Variants in CCNI observed in about 807,000 individuals in gnomAD.
CCNI encodes the protein cyclin-I.
A neutral mutation model predicts 34.1 loss-of-function variants in CCNI; 14 were observed. The ratio of observed to expected loss-of-function variants is 0.41; its 90% CI spans 0.27 to 0.64. The LOEUF (loss-of-function observed/expected upper bound fraction) is 0.64. CCNI is among the 30% of genes least tolerant of loss of function. CCNI has a pLI of 0.31. For missense variants in CCNI, 385 were observed against 440.5 expected (o/e 0.87, Z 1.13); for synonymous variants, 154 against 158.4 (o/e 0.97, Z 0.21).
In CCNI at chr4:77,066,334, T is replaced by C. The variant is rs901969645; in HGVS notation, c.29A>G (p.Gln10Arg). ...CTTTTCCAACAGGAAAGACAATCTC[T>C]GGTTTTCCAAAGGCCCTGGAAACTT... MKFPGPLEN[Q>R]RLSFLLEKAI... Residue 10 changes from glutamine (Q) to arginine (R), a missense_variant, in exon 2 of 7, where the codon CAG (glutamine) becomes CGG (arginine). Around this residue, in one of 2 missense-constraint regions of CCNI, gnomAD observed 135 missense variants for 191.8 expected, o/e 0.70. Transcript: ENST00000237654. 40 of 1,613,964 alleles carry C rather than the reference T, an allele frequency of 2.5e-5. 1 individual carries two copies. Among genetic ancestry groups the C allele is most frequent in the Non-Finnish European group, 3.4e-5 (40 of 1,179,918 alleles).
chr4:77,067,790 TAAAAAAAAAAAAAAAAAA>T (rs375815113), intron 1 of CCNI, among the ~76,000 whole-genome samples: 3 of 98,696 alleles, frequency 3.0e-5, no homozygotes, highest in African/African-American at 1.2e-4. Flanking sequence ...CTTCTAGGTT[TAAAAAAAAAAAAAAAAAA>T]AAAAAAAAAA....
chr4:77,066,198 A>G (rs4241602), intron 2 of CCNI, 51 bp downstream of exon 2: 1,301,678 of 1,415,336 alleles, frequency 0.92, 599,280 homozygotes, highest in East Asian at 1. Flanking sequence ...GTATGGCAGT[A>G]GTATGTTTAT....
Position 77,048,279 on chromosome 4 carries a change from TA to T in CCNI, c.1073del (p.Leu358TyrfsTer28), listed in dbSNP as rs1386307223. 4 of 1,614,174 alleles carry T rather than the reference TA, an allele frequency of 2.5e-6. No individual in the cohort carries two copies. Among genetic ancestry groups the T allele is most frequent in the South Asian group, 1.1e-5 (1 of 91,082 alleles). On this transcript the variant is annotated frameshift_variant, in exon 7 of 7. Coordinates refer to ENST00000237654, the MANE Select transcript of CCNI (RefSeq NM_006835.3). LOFTEE classifies it high-confidence loss of function. ...GGGAAGCATGTCCCTCTTGTCTTGA[TA>T]AATCAGTGCCACACACAGAACCCAC... ...ENVGSVCGTD[L>X]SRQEGHASPC...
chr4:77,072,159 A>C (rs143419300), intron 1 of CCNI, among the ~76,000 whole-genome samples: 1 of 152,264 alleles, frequency 6.6e-6, no homozygotes, highest in East Asian at 1.9e-4. Flanking sequence ...AGGATTATAT[A>C]CCATAACCAA....
chr4:77,074,674 GTTAT>G (rs1313361245), intron 1 of CCNI: 3 of 152,184 alleles, frequency 2.0e-5, no homozygotes, highest in African/African-American at 7.2e-5. Flanking sequence ...ATCAAATGTT[GTTAT>G]TTAACGTCAT....
rs7659030 is a variant in CCNI, at chr4:77,063,399, G to C, written c.114+2850C>G. On this transcript the variant is annotated intron_variant, in intron 2 of 6. Transcript: ENST00000237654. ...GTCCCTTAGAGGAAAATAAGAGTTA[G>C]AACTAGAATAGAGAAGGTGCTGGGT... Among the ~76,000 whole-genome samples the C allele has an allele frequency of 4.1e-3, 553 of 136,090 alleles. 5 individuals carry two copies. The highest frequency in any genetic ancestry group is 0.015 in the African/African-American group (531 of 36,572). The allele number at this position is 136,090 out of a possible 152,430, so 89.3% of individuals were successfully genotyped here. A position where few individuals can be genotyped will look rare whatever the true frequency, so the allele number is the denominator to read the frequency against.
chr4:77,071,426 T>C (rs1729461112), intron 1 of CCNI, among the ~76,000 whole-genome samples: 1 of 152,196 alleles, frequency 6.6e-6, no homozygotes, highest in African/African-American at 2.4e-5. Flanking sequence ...AAGAGCCTAA[T>C]CTTCCACCTT....
intron 2 of CCNI, among the ~76,000 whole-genome samples, chr4:77,063,556 G>T (rs1728781032): frequency 6.6e-6 from 1 of 151,622 alleles, no homozygotes; most frequent in Non-Finnish European, 1.5e-5. Context: ...CGGGCGTTGT[G>T]GCGGGCGCCT....
intron 1 of CCNI, chr4:77,075,077 T>C (rs1003449818): frequency 2.0e-5 from 3 of 151,766 alleles, no homozygotes; most frequent in African/African-American, 7.3e-5. Context: ...ATCCTCCTGG[T>C]GTCCCCGGAG....
chr4:77,066,394 T>C lies in CCNI; in HGVS notation c.-32A>G. Reference sequence around the variant, plus strand: ...CTTTGGATCTGCCTGCTACCCAGCTTGCTGTAGCTACCTACAGAATCAAGT... The same window carrying C: ...CTTTGGATCTGCCTGCTACCCAGCTCGCTGTAGCTACCTACAGAATCAAGT... On this transcript the variant is annotated 5_prime_UTR_variant, in exon 2 of 7. Transcript: ENST00000237654. 1 of 1,612,670 alleles carries C rather than the reference T, an allele frequency of 6.2e-7. No homozygotes were observed. Among genetic ancestry groups the C allele is most frequent in the Non-Finnish European group, 8.5e-7 (1 of 1,179,220 alleles).
At chr4:77,053,189 T>A (rs1420980990) in intron 6 of CCNI, among the ~76,000 whole-genome samples, 1 of 152,186 alleles carries the variant, frequency 6.6e-6, no homozygotes, top group African/African-American at 2.4e-5. Flanking sequence ...TGTACAAGAT[T>A]TTCTTTGGGG....
At chr4:77,067,670 T>TC (rs1220565123) in intron 1 of CCNI, among the ~76,000 whole-genome samples, 1 of 148,994 alleles carries the variant, frequency 6.7e-6, no homozygotes, top group Non-Finnish European at 1.5e-5. Context: ...TTGTGGGGTT[T>TC]TTTTTTTTTT....
At chr4:77,062,712 T>C (rs1272795873) in intron 2 of CCNI, among the ~76,000 whole-genome samples, 1 of 152,202 alleles carries the variant, frequency 6.6e-6, no homozygotes, top group African/African-American at 2.4e-5. Context: ...ATCATCTGTA[T>C]ATCAACAATT....
chr4:77,055,419 T>C, intron 5 of CCNI, 39 bp from the exon 6 acceptor site: 1 of 1,359,436 alleles, frequency 7.4e-7, no homozygotes, highest in Non-Finnish European at 1.0e-6. Context: ...TTTATTTAAA[T>C]ATCTGGGAAA....
chr4:77,047,604 C>T lies in CCNI; in HGVS notation c.*615G>A, dbSNP rs1034847656. ...CTTTAAGGTAAACAAAAATGAAAAC[C>T]ATAATTTTAAATTAAAATTTGAAAT... On this transcript the variant is annotated 3_prime_UTR_variant, in exon 7 of 7. Coordinates refer to ENST00000237654, the MANE Select transcript of CCNI (RefSeq NM_006835.3). 3.3e-5 allele frequency: 5 copies of T among 152,100 alleles called. No homozygotes were observed. The highest frequency in any genetic ancestry group is 7.3e-5 in the Non-Finnish European group (5 of 68,028). The allele number at this position is 152,100 out of a possible 1,614,324, so 9.4% of individuals were successfully genotyped here.
chr4:77,056,347 G>C lies in CCNI; in HGVS notation c.244-24C>G. 6 of 1,547,446 alleles carry C rather than the reference G, an allele frequency of 3.9e-6. No homozygotes were observed. The African/African-American group carries it at 6.8e-5, about 18-fold the overall frequency. ...GCCTAAAATTTTGAAGAGGGAAAAA[G>C]CAACTTTAGTGATTTTTCAAAAACA... On this transcript the variant is annotated intron_variant, in intron 3 of 6. Coordinates refer to ENST00000237654, the MANE Select transcript of CCNI (RefSeq NM_006835.3).
At chr4:77,066,487 CAA>C in intron 1 of CCNI, 82 bp from the exon 2 acceptor site, 1 of 1,006,516 alleles carries the variant, frequency 9.9e-7, no homozygotes, top group Non-Finnish European at 1.5e-6. Flanking sequence ...ACTCATAAAA[CAA>C]AATAAGAATG....
intron 4 of CCNI, 33 bp downstream of exon 4, chr4:77,056,216 C>T (rs201092460): frequency 3.4e-5 from 55 of 1,597,068 alleles, no homozygotes; most frequent in Middle Eastern, 3.3e-4. Context: ...GAAATTTTCA[C>T]GGAAGAAACA....
chr4:77,071,733 T>C (rs1282546987), intron 1 of CCNI, among the ~76,000 whole-genome samples: 3 of 152,148 alleles, frequency 2.0e-5, no homozygotes, highest in Non-Finnish European at 2.9e-5. Context: ...TGCAACTAAA[T>C]TGGCAATTTT....
Sources: gnomAD v4.1 joint callset for allele counts (sites outside exome capture counted in the v4.1 genomes callset) on GRCh38, gnomAD v4.1.1 for gene constraint, gnomAD v4.1.1 regional missense constraint, MANE v1.5 for transcripts, NCBI Gene and HGNC (gene_info 2026-07-23, HGNC 2026-07-21) for gene names.